Variants in DOT1L observed in about 807,000 individuals in gnomAD.
The protein encoded by DOT1L is histone-lysine N-methyltransferase, H3 lysine-79 specific.
In DOT1L, 33 loss-of-function variants were observed where a neutral mutation model predicts 153.3. The ratio of observed to expected loss-of-function variants is 0.22; its 90% confidence interval spans 0.16 to 0.29. The LOEUF (loss-of-function observed/expected upper bound fraction) is 0.29. Among genes scored for constraint, DOT1L ranks in the 10% least tolerant of loss-of-function variants. DOT1L has a pLI of 1.00. For synonymous variants in DOT1L, 1,135 were observed against 965.1 expected (o/e 1.18, Z -3.26); for missense variants, 1,847 against 2,119.9 (o/e 0.87, Z 2.53).
chr19:2,207,789 G>C lies in DOT1L; in HGVS notation c.963+109G>C. On this transcript the variant is annotated intron_variant, in intron 11 of 27. Coordinates refer to ENST00000398665, the MANE Select transcript of DOT1L (RefSeq NM_032482.3). This position sits in a 1 kb window ranked among gnomAD's most constrained non-coding sequence, Gnocchi z 4.5. ...TGGCCTCTGAGACCCTCCCCTCAGAGCCCTCAACGCCCCCCGGCCCCTGAG... is the reference window on the plus strand; with the variant it reads ...TGGCCTCTGAGACCCTCCCCTCAGACCCCTCAACGCCCCCCGGCCCCTGAG... The C allele has an allele frequency of 1.0e-6, 1 of 996,988 alleles. No individual in the cohort carries two copies. Among genetic ancestry groups the C allele is most frequent in the African/African-American group, 1.6e-5 (1 of 61,680 alleles). The allele number at this position is 996,988 out of a possible 1,614,324, so 61.8% of individuals were successfully genotyped here. A position where few individuals can be genotyped will look rare whatever the true frequency, so the allele number is the denominator to read the frequency against.
rs2144931561 is a variant in DOT1L at position 2,226,448 on chromosome 19, C to T, written c.3927C>T (p.Gly1309=). The change falls in exon 27 of 28, where the codon GGC becomes GGT. Residue 1309 remains glycine (G), a synonymous_variant. Transcript: ENST00000398665. ...CGGGGGCTGACGGACTCAGCCCGGG[C>T]ACCAACCCTGCCAACGGCTGCACCT... ...SLSGADGLSP[G]TNPANGCTFG... is the part of the protein sequence containing the mutation. The T allele has an allele frequency of 1.2e-6, 2 of 1,601,804 alleles. No homozygotes were observed. The highest frequency in any genetic ancestry group is 1.7e-4 in the Middle Eastern group (1 of 6,058).
chr19:2,188,562 G>A (rs1034874115), intron 3 of DOT1L, among the ~76,000 whole-genome samples: 6 of 148,202 alleles, frequency 4.0e-5, no homozygotes, highest in East Asian at 2.0e-4. Flanking sequence ...GGGAGGGGCC[G>A]TCCTGGGCAC....
In DOT1L at chr19:2,217,156, C is replaced by A; in HGVS notation, c.2544+66C>A. The A allele has an allele frequency of 6.7e-7, 1 of 1,492,662 alleles. No individual in the cohort carries two copies. Among genetic ancestry groups the A allele is most frequent in the South Asian group, 1.3e-5 (1 of 76,818 alleles). The allele number at this position is 1,492,662 out of a possible 1,614,324, so 92.5% of individuals were successfully genotyped here. ...CAGCAGAGGCGGCCTGAGCGAGTTG[C>A]TAGCAGGAGGGCTTGTCCTAGTTGA... On this transcript the variant is annotated intron_variant, in intron 21 of 27. Coordinates refer to ENST00000398665, the MANE Select transcript of DOT1L (RefSeq NM_032482.3). This position sits in a 1 kb window ranked among gnomAD's most constrained non-coding sequence, Gnocchi z 7.3.
At chr19:2,192,589 C>T (rs192703721) in intron 5 of DOT1L, among the ~76,000 whole-genome samples, 4 of 149,224 alleles carry the variant, frequency 2.7e-5, no homozygotes, top group Non-Finnish European at 5.9e-5. Flanking sequence ...AGGGGAATTG[C>T]TTGAACTTTG....
rs2023575005 is a variant in DOT1L, at chr19:2,208,109, T to G, written c.963+429T>G. 6.6e-6 allele frequency among the ~76,000 whole-genome samples: 1 copy of G among 151,972 alleles called. No individual in the cohort carries two copies. The highest frequency in any genetic ancestry group is 1.5e-5 in the Non-Finnish European group (1 of 67,948). On this transcript the variant is annotated intron_variant, in intron 11 of 27. Coordinates refer to ENST00000398665, the MANE Select transcript of DOT1L (RefSeq NM_032482.3). This position sits in a 1 kb window ranked among gnomAD's most constrained non-coding sequence, Gnocchi z 4.4. ...GTCCATGGGTGGGGTCTGGGATGCT[T>G]CTTCCCTCCCTGTGTTCCCCAGGGT...
At chr19:2,174,958 A>ATG (rs71337121) in intron 1 of DOT1L, among the ~76,000 whole-genome samples, 44,250 of 129,492 alleles carry the variant, frequency 0.34, 7,430 homozygotes, top group Admixed American at 0.39. Flanking sequence ...TTTTAAATAT[A>ATG]TGTGTGTGTG....
Position 2,193,625 on chromosome 19 carries a change from T to A in DOT1L, c.494-64T>A, listed in dbSNP as rs1360626620. ...TTCTTGTGGCCTCTGTCTCCGAGCCTAGCACGGCCTCCCGGGTGGCATCTG... is the reference window on the plus strand; with the variant it reads ...TTCTTGTGGCCTCTGTCTCCGAGCCAAGCACGGCCTCCCGGGTGGCATCTG... On this transcript the variant is annotated intron_variant, in intron 5 of 27. Coordinates refer to ENST00000398665, the MANE Select transcript of DOT1L (RefSeq NM_032482.3). The surrounding 1 kb of genome is among the most constrained non-coding windows in gnomAD (Gnocchi z 5.9). 2 of 1,541,468 alleles carry A rather than the reference T, an allele frequency of 1.3e-6. No individual in the cohort carries two copies. The highest frequency in any genetic ancestry group is 1.8e-6 in the Non-Finnish European group (2 of 1,119,420).
intron 25 of DOT1L, among the ~76,000 whole-genome samples, chr19:2,223,952 C>G (rs958665137): frequency 6.6e-6 from 1 of 152,184 alleles, no homozygotes; most frequent in African/African-American, 2.4e-5. Flanking sequence ...ATCTCATCAT[C>G]CCCTTGAAAC....
At position 2,164,272 on chromosome 19, in the gene DOT1L, G is replaced by A; in HGVS notation, c.81+7G>A. ...GTGGCCGCTGCCGGTCTACGTGAGT[G>A]CCGCCCTCCACCGTCCCTACCTCCC... On this transcript the variant is annotated splice_region_variant and intron_variant, in intron 1 of 27. Transcript: ENST00000398665. 1 of 1,265,978 alleles carries A rather than the reference G, an allele frequency of 7.9e-7. No individual in the cohort carries two copies. The highest frequency in any genetic ancestry group is 1.0e-6 in the Non-Finnish European group (1 of 1,003,524). 78.4% of individuals were successfully genotyped at this position (1,265,978 alleles called of 1,614,324 possible). A position where few individuals can be genotyped will look rare whatever the true frequency, so the allele number is the denominator to read the frequency against.
intron 1 of DOT1L, among the ~76,000 whole-genome samples, chr19:2,173,461 C>T (rs2021753973): frequency 6.6e-6 from 1 of 152,232 alleles, no homozygotes; most frequent in Non-Finnish European, 1.5e-5. Flanking sequence ...CGCTTCCTTA[C>T]ACAGCGGGCC....
At chr19:2,229,713 C>T in intron 27 of DOT1L, 72 bp from the exon 28 acceptor site, 1 of 1,610,404 alleles carries the variant, frequency 6.2e-7, no homozygotes, top group Non-Finnish European at 8.5e-7. Flanking sequence ...GGTCCCCAGC[C>T]TGGGTGAGTG....
chr19:2,216,611 C>T lies in DOT1L; in HGVS notation c.2254C>T (p.Pro752Ser), dbSNP rs370203392. The T allele has an allele frequency of 1.3e-5, 21 of 1,607,150 alleles. No individual in the cohort carries two copies. The highest frequency in any genetic ancestry group is 2.2e-5 in the East Asian group (1 of 44,892). Reference protein sequence around the residue: ...PLDQEVVPCTPSHVGRPRLEK... With the variant: ...PLDQEVVPCTSSHVGRPRLEK... Reference sequence around the variant, plus strand: ...GGACCAGGAGGTGGTGCCCTGTACCCCTAGCCACGTCGGCCGGCCGCGCCT... The same window carrying T: ...GGACCAGGAGGTGGTGCCCTGTACCTCTAGCCACGTCGGCCGGCCGCGCCT... The change falls in exon 20 of 28, where the codon CCT becomes TCT. Residue 752 changes from proline to serine, a missense_variant. Coordinates refer to ENST00000398665, the MANE Select transcript of DOT1L (RefSeq NM_032482.3).
At position 2,210,696 on chromosome 19, in the gene DOT1L, A is replaced by C. The variant is rs201485217; in HGVS notation, c.1192A>C (p.Lys398Gln). ...GTCTCCCTCCAAAGCCCGCAAGAAG[A>C]AGCTAAACAAGAAGGGGAGGAAGAT... ...KPSPSKARKK[K>Q]LNKKGRKMAG... The change falls in exon 14 of 28, where the codon AAG (lysine) becomes CAG (glutamine). Residue 398 changes from lysine (K) to glutamine (Q), a missense_variant. Coordinates refer to ENST00000398665, the MANE Select transcript of DOT1L (RefSeq NM_032482.3). 24 of 1,613,170 alleles carry C rather than the reference A, an allele frequency of 1.5e-5. No individual in the cohort carries two copies. Among genetic ancestry groups the C allele is most frequent in the Admixed American group, 3.3e-5 (2 of 60,030 alleles).
chr19:2,222,574 C>T lies in DOT1L; in HGVS notation c.3390+15C>T, dbSNP rs76397250. On this transcript the variant is annotated intron_variant, in intron 24 of 27. Transcript: ENST00000398665. The surrounding 1 kb of genome is among the most constrained non-coding windows in gnomAD (Gnocchi z 6.5). ...TCAACTCCATGGTAAGGATGGGGAC[C>T]GGCAGGGCTGGGGAGCGCGGCCTGT... The T allele has an allele frequency of 8.0e-4, 1,229 of 1,529,030 alleles. 27 individuals carry two copies. In the East Asian group the frequency reaches 0.027, roughly 34 times the overall value. 94.7% of individuals were successfully genotyped at this position (1,529,030 alleles called of 1,614,324 possible).
At chr19:2,227,288 C>G in intron 27 of DOT1L, 161 bp downstream of exon 27, 1 of 930,030 alleles carries the variant, frequency 1.1e-6, no homozygotes, top group South Asian at 1.4e-5. Context: ...AACTCCAGTC[C>G]TGTGGGGAGA....
intron 5 of DOT1L, among the ~76,000 whole-genome samples, chr19:2,192,166 C>A (rs182379008): frequency 6.6e-6 from 1 of 152,128 alleles, no homozygotes; most frequent in African/African-American, 2.4e-5. Context: ...CTGGCTTTGA[C>A]GTGGGGAAGG....
At position 2,210,906 on chromosome 19, in the gene DOT1L, G is replaced by C. The variant is rs568169855; in HGVS notation, c.1351+51G>C. 4.6e-5 allele frequency: 74 copies of C among 1,592,514 alleles called. No homozygotes were observed. The East Asian group carries it at 1.6e-3, about 33-fold the overall frequency. On this transcript the variant is annotated intron_variant, in intron 14 of 27. Coordinates refer to ENST00000398665, the MANE Select transcript of DOT1L (RefSeq NM_032482.3). Reference sequence around the variant, plus strand: ...CCGCTCTCCCCGAGTGCGGATGCCTGGGGTCCCCTCTGCTGGGACGCTGCC... The same window carrying C: ...CCGCTCTCCCCGAGTGCGGATGCCTCGGGTCCCCTCTGCTGGGACGCTGCC...
chr19:2,225,567 C>A, intron 26 of DOT1L, 115 bp downstream of exon 26: 1 of 1,178,480 alleles, frequency 8.5e-7, no homozygotes, highest in Non-Finnish European at 1.3e-6. Flanking sequence ...TGGTGCTGGC[C>A]CGCTGCGTCG....
At chr19:2,175,644 C>T (rs568319756) in intron 1 of DOT1L, among the ~76,000 whole-genome samples, 73 of 152,208 alleles carry the variant, frequency 4.8e-4, no homozygotes, top group African/African-American at 1.3e-3. Context: ...GCCTGGCCAA[C>T]GTGATGAAAC....
Sources: gnomAD v4.1 joint callset for allele counts (sites outside exome capture counted in the v4.1 genomes callset) on GRCh38, gnomAD v4.1.1 for gene constraint, Gnocchi (gnomAD v3.1) non-coding constraint, MANE v1.5 for transcripts, NCBI Gene and HGNC (gene_info 2026-07-23, HGNC 2026-07-21) for gene names.